Variants in CUBN observed in about 807,000 individuals in gnomAD.
CUBN encodes the protein 460 kDa receptor.
CUBN carries 282 observed loss-of-function variants against 405.3 expected under a neutral mutation model. The observed-to-expected ratio is 0.70, with a 90% CI of 0.63 to 0.77. The LOEUF is 0.77. CUBN is among the 30% of genes least tolerant of loss of function. CUBN has a pLI of 0.00. For synonymous variants in CUBN, 1,684 were observed against 1,617.0 expected (o/e 1.04, Z -0.99); for missense variants, 4,514 against 4,475.2 (o/e 1.01, Z -0.25).
chr10:17,019,768 G>C, intron 28 of CUBN, 65 bp downstream of exon 28: 1 of 1,605,686 alleles, frequency 6.2e-7, no homozygotes, highest in Non-Finnish European at 8.5e-7. Context: ...GTTTGGAACT[G>C]AAAAAGAAAA....
Position 17,127,813 on chromosome 10 carries a change from T to A in CUBN, c.348+16A>T. 1.3e-6 allele frequency: 2 copies of A among 1,586,402 alleles called. No homozygotes were observed. The highest frequency in any genetic ancestry group is 1.7e-6 in the Non-Finnish European group (2 of 1,154,980). ...GGAGAACTCATCGGTTCTTATGACG[T>A]AGATGTCAGACTTACCTTGGAATTA... On this transcript the variant is annotated intron_variant, in intron 3 of 66. Transcript: ENST00000377833.
intron 54 of CUBN, among the ~76,000 whole-genome samples, chr10:16,892,434 A>G (rs1841059860): frequency 6.6e-6 from 1 of 152,172 alleles, no homozygotes; most frequent in South Asian, 2.1e-4. Context: ...GCAGTTTTTT[A>G]TCCACATTTC....
At chr10:16,854,311 G>A (rs1279244727) in intron 59 of CUBN, among the ~76,000 whole-genome samples, 8 of 152,194 alleles carry the variant, frequency 5.3e-5, no homozygotes, top group African/African-American at 1.9e-4. Flanking sequence ...AATTAGGATT[G>A]GGAAAACAGG....
At chr10:17,123,517 T>G (rs1308720428) in intron 5 of CUBN, 71 bp downstream of exon 5, 1 of 1,132,054 alleles carries the variant, frequency 8.8e-7, no homozygotes, top group Non-Finnish European at 1.3e-6. Context: ...GAATTAAATA[T>G]GCCTGATGAT....
chr10:17,109,448 C>A lies in CUBN; in HGVS notation c.1111+192G>T, dbSNP rs117169949. Among the ~76,000 whole-genome samples, 1,398 of 152,286 alleles carry A rather than the reference C, an allele frequency of 9.2e-3. 10 individuals carry two copies. Among genetic ancestry groups the A allele is most frequent in the Non-Finnish European group, 0.015 (1,053 of 68,030 alleles). Reference sequence around the variant, plus strand: ...AATTACCTTATTTCCTAAATCAGAGCAGACCATTAAAGAGCATAGTTTATT... The same window carrying A: ...AATTACCTTATTTCCTAAATCAGAGAAGACCATTAAAGAGCATAGTTTATT... On this transcript the variant is annotated intron_variant, in intron 10 of 66. Coordinates refer to ENST00000377833, the MANE Select transcript of CUBN (RefSeq NM_001081.4).
rs76539746 is a variant in CUBN at position 16,991,079 on chromosome 10, T to C, written c.4169-564A>G. Among the ~76,000 whole-genome samples, 974 of 152,136 alleles carry C rather than the reference T, an allele frequency of 6.4e-3. 39 individuals are homozygous for C. The East Asian group carries it at 0.13, about 20-fold the overall frequency. Reference sequence around the variant, plus strand: ...CAAATTTACATTAAAAAAAATACAATGGATATAGAAAAATCCAACCAAGGA... The same window carrying C: ...CAAATTTACATTAAAAAAAATACAACGGATATAGAAAAATCCAACCAAGGA... On this transcript the variant is annotated intron_variant, in intron 28 of 66. Transcript: ENST00000377833.
At chr10:16,954,638 T>G (rs906240864) in intron 31 of CUBN, 90 bp from the exon 32 acceptor site, 1 of 1,362,784 alleles carries the variant, frequency 7.3e-7, no homozygotes, top group Admixed American at 1.9e-5. Flanking sequence ...GATATACTAG[T>G]GGATAATCAC....
At chr10:17,015,573 C>A (rs571626099) in intron 28 of CUBN, among the ~76,000 whole-genome samples, 1 of 152,138 alleles carries the variant, frequency 6.6e-6, no homozygotes, top group Non-Finnish European at 1.5e-5. Context: ...ATGCCAGTGT[C>A]CAGGAGGAAG....
intron 27 of CUBN, among the ~76,000 whole-genome samples, chr10:17,039,997 C>T (rs932859824): frequency 1.3e-5 from 2 of 152,240 alleles, no homozygotes; most frequent in South Asian, 4.1e-4. Flanking sequence ...CCTCAACCAA[C>T]CTCAACCAAT....
chr10:17,022,612 G>C lies in CUBN; in HGVS notation c.4018-2629C>G, dbSNP rs964539563. ...ACCCTCTCCTGCAGGCGGAGAAACC[G>C]GAGGGCGAGAGGCCAACCTTGCAGC... On this transcript the variant is annotated intron_variant, in intron 27 of 66. Transcript: ENST00000377833. 5.3e-5 allele frequency among the ~76,000 whole-genome samples: 8 copies of C among 152,288 alleles called. No individual in the cohort carries two copies. The East Asian group carries it at 7.7e-4, about 15-fold the overall frequency.
intron 22 of CUBN, among the ~76,000 whole-genome samples, chr10:17,060,645 G>T (rs558984697): frequency 2.6e-5 from 4 of 152,262 alleles, no homozygotes; most frequent in African/African-American, 9.6e-5. Context: ...AAGACGAATC[G>T]ACTTACTACA....
At chr10:17,088,013 G>T (rs1836162520) in intron 15 of CUBN, 151 bp downstream of exon 15, 2 of 592,028 alleles carry the variant, frequency 3.4e-6, no homozygotes, top group Non-Finnish European at 6.0e-6. Flanking sequence ...GTTAAAAATA[G>T]AGACTTTGCA....
At chr10:16,932,322 G>A (rs1223177339) in intron 40 of CUBN, among the ~76,000 whole-genome samples, 2 of 152,198 alleles carry the variant, frequency 1.3e-5, no homozygotes, top group African/African-American at 4.8e-5. Context: ...TCTAACAAAT[G>A]ATGCTGTGGA....
At chr10:16,921,627 C>G (rs1296338840) in intron 43 of CUBN, among the ~76,000 whole-genome samples, 1 of 152,196 alleles carries the variant, frequency 6.6e-6, no homozygotes, top group Non-Finnish European at 1.5e-5. Flanking sequence ...TGACACCAAG[C>G]TCTTCTCCTC....
chr10:16,836,136 T>C, intron 63 of CUBN, 99 bp downstream of exon 63: 1 of 1,189,378 alleles, frequency 8.4e-7, no homozygotes, highest in Non-Finnish European at 1.2e-6. Context: ...AATCCTAATT[T>C]ACTCACAGGA....
intron 22 of CUBN, among the ~76,000 whole-genome samples, chr10:17,049,112 G>C (rs1210985415): frequency 6.6e-6 from 1 of 152,204 alleles, no homozygotes; most frequent in South Asian, 2.1e-4. Flanking sequence ...AAGGAAGGTA[G>C]AGAGGAAGGG....
In CUBN at chr10:17,114,073, C is replaced by A. The variant is rs774899156; in HGVS notation, c.837G>T (p.Gln279His). 1 of 1,613,222 alleles carries A rather than the reference C, an allele frequency of 6.2e-7. No individual in the cohort carries two copies. Among genetic ancestry groups the A allele is most frequent in the Admixed American group, 1.7e-5 (1 of 59,914 alleles). ...FQPGPCSTLV[Q>H]CFNTQGSFYC... ...AGAAAGAGCCTTGAGTGTTGAAACA[C>A]TGCACAAGTGTGGAGCAAGGCCCGG... Residue 279 changes from glutamine (Q) to histidine (H), a missense_variant, in exon 8 of 67, where the codon CAG (glutamine) becomes CAT (histidine). Coordinates refer to ENST00000377833, the MANE Select transcript of CUBN (RefSeq NM_001081.4).
intron 56 of CUBN, among the ~76,000 whole-genome samples, chr10:16,881,431 G>A (rs780827956): frequency 6.6e-6 from 1 of 152,184 alleles, no homozygotes; most frequent in Non-Finnish European, 1.5e-5. Flanking sequence ...GCAGTGGTAC[G>A]AGACATAATC....
intron 31 of CUBN, among the ~76,000 whole-genome samples, chr10:16,963,170 CT>C (rs1334637386): frequency 7.9e-6 from 1 of 126,546 alleles, no homozygotes; most frequent in Non-Finnish European, 1.7e-5. Context: ...ATATACATTT[CT>C]TTTTTCTTTT....
Sources: allele counts gnomAD v4.1 joint callset (sites outside exome capture counted in the v4.1 genomes callset), GRCh38; gene constraint gnomAD v4.1.1; transcripts MANE v1.5; gene names NCBI Gene and HGNC (gene_info 2026-07-23, HGNC 2026-07-21).